Variants in PXDNL observed in about 807,000 individuals in gnomAD.
PXDNL encodes probable oxidoreductase PXDNL.
A neutral mutation model predicts 150.8 loss-of-function variants in PXDNL; 145 were observed. The observed-to-expected ratio is 0.96, with a 90% confidence interval of 0.84 to 1.10. The LOEUF is 1.10. Among genes scored for constraint, PXDNL ranks in the 50% least tolerant of loss-of-function variants. The pLI, the probability that PXDNL is intolerant of heterozygous loss-of-function variation, is 0.00. For missense variants in PXDNL, 2,087 were observed against 1,873.9 expected (o/e 1.11, Z -2.10); for synonymous variants, 757 against 725.7 (o/e 1.04, Z -0.69).
chr8:51,788,488 G>A (rs2037480614), intron 1 of PXDNL, among the ~76,000 whole-genome samples: 1 of 152,214 alleles, frequency 6.6e-6, no homozygotes, highest in Non-Finnish European at 1.5e-5. Flanking sequence ...ACCAGGAGTA[G>A]AAATGTCATA....
At chr8:51,696,990 T>G (rs996731915) in intron 1 of PXDNL, among the ~76,000 whole-genome samples, 1 of 152,208 alleles carries the variant, frequency 6.6e-6, no homozygotes. Flanking sequence ...TGAAGAAAGC[T>G]TTTTAGATTT....
At chr8:51,760,895 GTCGCC>G in intron 1 of PXDNL, among the ~76,000 whole-genome samples, 1 of 105,032 alleles carries the variant, frequency 9.5e-6, no homozygotes, top group Non-Finnish European at 1.8e-5. Flanking sequence ...GTCTCGCTCT[GTCGCC>G]CAGGCTGGAG....
At chr8:51,560,287 A>ATT (rs374220447) in intron 3 of PXDNL, among the ~76,000 whole-genome samples, 3 of 150,740 alleles carry the variant, frequency 2.0e-5, no homozygotes, top group African/African-American at 7.3e-5. Context: ...TTTCAATGGC[A>ATT]TTTTTTTTTG....
At position 51,408,529 on chromosome 8, in the gene PXDNL, C is replaced by T. The variant is rs772421881; in HGVS notation, c.3095G>A (p.Gly1032Asp). ...CACGTTGGGGTTGTAGCCTCGGTAA[C>T]CCCTCAGCATCCTAGTGCCAGGGTC... ...LGDPGTRMLR[G>D]YRGYNPNVNA... is the part of the protein sequence containing the mutation. The change falls in exon 17 of 23, where the codon GGT becomes GAT. Residue 1032 changes from glycine (G) to aspartate (D), a missense_variant. Transcript: ENST00000356297. 2 of 1,613,256 alleles carry T rather than the reference C, an allele frequency of 1.2e-6. No individual in the cohort carries two copies. Among genetic ancestry groups the T allele is most frequent in the East Asian group, 2.2e-5 (1 of 44,864 alleles).
intron 8 of PXDNL, among the ~76,000 whole-genome samples, chr8:51,462,493 T>C (rs1341938332): frequency 6.6e-6 from 1 of 152,054 alleles, no homozygotes; most frequent in African/African-American, 2.4e-5. Flanking sequence ...TACAGGAATT[T>C]CATAATACAG....
Position 51,607,694 on chromosome 8 carries a change from G to T in PXDNL, c.237-14996C>A, listed in dbSNP as rs534024653. On this transcript the variant is annotated intron_variant, in intron 2 of 22. Transcript: ENST00000356297. ...CATCTCTACTAAAAATACAAAATTA[G>T]CCAGGCACGGTGGTGCATGCCTGTA... 4.2e-4 allele frequency among the ~76,000 whole-genome samples: 62 copies of T among 148,472 alleles called. 6 individuals carry two copies. Among genetic ancestry groups the T allele is most frequent in the African/African-American group, 1.6e-3 (62 of 38,650 alleles).
intron 14 of PXDNL, among the ~76,000 whole-genome samples, chr8:51,418,196 T>C (rs990050493): frequency 6.6e-6 from 1 of 152,184 alleles, no homozygotes; most frequent in East Asian, 1.9e-4. Context: ...GTAGATGCTG[T>C]TGTTTACAAA....
intron 15 of PXDNL, 117 bp from the exon 16 acceptor site, chr8:51,411,524 C>A: frequency 1.1e-6 from 1 of 917,138 alleles, no homozygotes; most frequent in Admixed American, 4.1e-5. Context: ...ATGAAAGCTC[C>A]ACCACTACAA....
At chr8:51,736,856 C>T (rs1412614373) in intron 1 of PXDNL, among the ~76,000 whole-genome samples, 1 of 152,114 alleles carries the variant, frequency 6.6e-6, no homozygotes, top group Non-Finnish European at 1.5e-5. Flanking sequence ...AGTCTTAAAA[C>T]TAATGAAAGA....
intron 4 of PXDNL, among the ~76,000 whole-genome samples, chr8:51,551,384 G>T (rs1027985344): frequency 1.3e-5 from 2 of 151,928 alleles, no homozygotes; most frequent in East Asian, 3.9e-4. Context: ...TAAGCAAAAA[G>T]AACAAATCTG....
At chr8:51,443,542 T>C (rs1809603576) in intron 12 of PXDNL, among the ~76,000 whole-genome samples, 1 of 152,220 alleles carries the variant, frequency 6.6e-6, no homozygotes, top group Non-Finnish European at 1.5e-5. Flanking sequence ...GTAGCTATGC[T>C]TACTGCATTG....
chr8:51,437,921 C>CA (rs902585141), intron 12 of PXDNL, among the ~76,000 whole-genome samples: 1 of 152,084 alleles, frequency 6.6e-6, no homozygotes, highest in Non-Finnish European at 1.5e-5. Context: ...AAAGGCTCCT[C>CA]AAAAAAGTTC....
chr8:51,350,596 C>T (rs897033182), intron 19 of PXDNL, among the ~76,000 whole-genome samples: 1 of 151,956 alleles, frequency 6.6e-6, no homozygotes, highest in African/African-American at 2.4e-5. Context: ...CTCAGGTGAT[C>T]CGCCCACCTC....
chr8:51,746,719 TTTG>T (rs1237797983), intron 1 of PXDNL, among the ~76,000 whole-genome samples: 3 of 152,136 alleles, frequency 2.0e-5, no homozygotes, highest in African/African-American at 7.2e-5. Flanking sequence ...AGAAAATGTT[TTTG>T]TTGTTTGTTA....
chr8:51,567,263 G>A (rs999279139), intron 3 of PXDNL, among the ~76,000 whole-genome samples: 1 of 151,582 alleles, frequency 6.6e-6, no homozygotes, highest in Admixed American at 6.6e-5. Flanking sequence ...GTCACTGGGT[G>A]GAGTATTTTA....
At chr8:51,625,471 A>C (rs1814344323) in intron 2 of PXDNL, among the ~76,000 whole-genome samples, 1 of 152,144 alleles carries the variant, frequency 6.6e-6, no homozygotes, top group African/African-American at 2.4e-5. Context: ...AACTGCATAG[A>C]CTCTTTAAGA....
chr8:51,774,355 T>C (rs1320643386), intron 1 of PXDNL, among the ~76,000 whole-genome samples: 1 of 152,218 alleles, frequency 6.6e-6, no homozygotes, highest in Non-Finnish European at 1.5e-5. Context: ...CTAACTATCA[T>C]TTTTAAAGGC....
chr8:51,656,789 T>C (rs1485904674), intron 1 of PXDNL, among the ~76,000 whole-genome samples: 2 of 152,224 alleles, frequency 1.3e-5, no homozygotes, highest in South Asian at 4.1e-4. Context: ...CACGTGTGTA[T>C]GTTTACTACA....
intron 4 of PXDNL, among the ~76,000 whole-genome samples, chr8:51,540,708 A>G (rs1812196561): frequency 6.6e-6 from 1 of 152,152 alleles, no homozygotes; most frequent in Non-Finnish European, 1.5e-5. Context: ...GTAGTGCTCT[A>G]TTAATATCAG....
Sources: allele counts gnomAD v4.1 joint callset (sites outside exome capture counted in the v4.1 genomes callset), GRCh38; gene constraint gnomAD v4.1.1; transcripts MANE v1.5; gene names NCBI Gene and HGNC (gene_info 2026-07-23, HGNC 2026-07-21).